Variants in RAPGEF1 observed in about 807,000 individuals in gnomAD.
The protein encoded by RAPGEF1 is CRK SH3-binding GNRP.
A neutral mutation model predicts 143.3 loss-of-function variants in RAPGEF1; 33 were observed. That is an observed-to-expected ratio of 0.23 (90% CI 0.17 to 0.31). RAPGEF1 has a LOEUF of 0.31. Ranked by LOEUF, RAPGEF1 falls within the 10% of genes least tolerant of loss-of-function variation. The pLI is 1.00. For missense variants in RAPGEF1, 1,199 were observed against 1,645.4 expected (o/e 0.73, Z 4.69); for synonymous variants, 629 against 676.5 (o/e 0.93, Z 1.09).
chr9:131,665,676 C>T (rs911977249), intron 1 of RAPGEF1, among the ~76,000 whole-genome samples: 6 of 152,068 alleles, frequency 3.9e-5, no homozygotes, highest in African/African-American at 1.4e-4. Context: ...TGAGAGTAAG[C>T]CCTCCATGGT....
rs1239649837 is a variant in RAPGEF1 at position 131,603,966 on chromosome 9, G to A, written c.2407C>T (p.Arg803Ter). The change falls in exon 14 of 27, where the codon CGA becomes TGA. Residue 803 changes from arginine to a stop codon, truncating the protein, a stop_gained. Coordinates refer to ENST00000683357, the MANE Select transcript of RAPGEF1 (RefSeq NM_001377935.1). LOFTEE classifies it high-confidence loss of function. ...GQSSEELAPS[R>*]GEPPAGKDGH... ...GGCCGCCCGAGGTTACTTACTCCTC[G>A]AGAGGGAGCCAGCTCCTCGCTGCTC... is the stretch of plus-strand genomic sequence containing the variant. 3.0e-6 allele frequency: 4 copies of A among 1,324,486 alleles called. No individual in the cohort carries two copies. The highest frequency in any genetic ancestry group is 1.2e-5 in the South Asian group (1 of 82,904). 82.0% of individuals were successfully genotyped at this position (1,324,486 alleles called of 1,614,324 possible).
At chr9:131,676,907 A>T (rs775761088) in intron 1 of RAPGEF1, among the ~76,000 whole-genome samples, 1 of 152,020 alleles carries the variant, frequency 6.6e-6, no homozygotes, top group South Asian at 2.1e-4. Flanking sequence ...GGCCCATGCC[A>T]CACCTACAGA....
At chr9:131,615,599 T>C (rs555050740) in intron 12 of RAPGEF1, among the ~76,000 whole-genome samples, 4 of 152,336 alleles carry the variant, frequency 2.6e-5, no homozygotes, top group Non-Finnish European at 4.4e-5. Context: ...TGGCTTTTCC[T>C]GGAGTGGAGG....
chr9:131,640,497 A>G (rs2062689533), intron 4 of RAPGEF1, among the ~76,000 whole-genome samples: 1 of 152,378 alleles, frequency 6.6e-6, no homozygotes, highest in East Asian at 1.9e-4. Flanking sequence ...GGGCTAAGAC[A>G]TAAGAAAGGA....
At chr9:131,611,577 G>A (rs1365530786) in intron 12 of RAPGEF1, among the ~76,000 whole-genome samples, 1 of 152,214 alleles carries the variant, frequency 6.6e-6, no homozygotes, top group African/African-American at 2.4e-5. Flanking sequence ...TTCACTAAGT[G>A]TTGATCTGAA....
intron 12 of RAPGEF1, among the ~76,000 whole-genome samples, chr9:131,614,245 C>G (rs887552043): frequency 2.0e-5 from 3 of 152,210 alleles, no homozygotes; most frequent in Non-Finnish European, 4.4e-5. Context: ...TGATCTAGCT[C>G]TGACCAGGAC....
At chr9:131,596,011 C>T (rs1029837947) in intron 17 of RAPGEF1, among the ~76,000 whole-genome samples, 6 of 152,236 alleles carry the variant, frequency 3.9e-5, no homozygotes, top group African/African-American at 1.2e-4. Context: ...TCACTCAAGG[C>T]GCTGTCTGTG....
intron 1 of RAPGEF1, 113 bp from the exon 2 acceptor site, chr9:131,651,062 G>C (rs1172581334): frequency 7.6e-7 from 1 of 1,321,494 alleles, no homozygotes; most frequent in Non-Finnish European, 1.0e-6. Flanking sequence ...CTTGGCTGTT[G>C]AGAGTTTCAA....
chr9:131,597,388 G>T, intron 16 of RAPGEF1, among the ~76,000 whole-genome samples: 1 of 152,196 alleles, frequency 6.6e-6, no homozygotes, highest in Non-Finnish European at 1.5e-5. Flanking sequence ...GCCTGTGTGT[G>T]ACAGCCCAAG....
At chr9:131,588,344 A>G (rs1206758736) in intron 20 of RAPGEF1, among the ~76,000 whole-genome samples, 1 of 152,206 alleles carries the variant, frequency 6.6e-6, no homozygotes, top group Admixed American at 6.5e-5. Flanking sequence ...GCTGGAGCCC[A>G]CTTCCAGGTG....
rs1467395214 is a variant in RAPGEF1 at position 131,667,416 on chromosome 9, T to C, written c.62-16467A>G. Among the ~76,000 whole-genome samples, 1 of 152,190 alleles carries C rather than the reference T, an allele frequency of 6.6e-6. No homozygotes were observed. Among genetic ancestry groups the C allele is most frequent in the Non-Finnish European group, 1.5e-5 (1 of 68,028 alleles). Reference sequence around the variant, plus strand: ...ATGGAGCCCTCCCACACCCTCTTCCTACACGGAGGTACTGCCCATTTCCTC... The same window carrying C: ...ATGGAGCCCTCCCACACCCTCTTCCCACACGGAGGTACTGCCCATTTCCTC... On this transcript the variant is annotated intron_variant, in intron 1 of 26. Transcript: ENST00000683357. This position sits in a 1 kb window ranked among gnomAD's most constrained non-coding sequence, Gnocchi z 4.6.
intron 3 of RAPGEF1, 49 bp from the exon 4 acceptor site, chr9:131,643,466 C>T: frequency 6.6e-7 from 1 of 1,514,882 alleles, no homozygotes. Flanking sequence ...TTAAAGGGAG[C>T]TATTTTGAAA....
intron 5 of RAPGEF1, among the ~76,000 whole-genome samples, chr9:131,634,754 AGAAG>A (rs1965896940): frequency 6.6e-6 from 1 of 150,652 alleles, no homozygotes; most frequent in Admixed American, 6.6e-5. Context: ...ATGATCACAG[AGAAG>A]GAAGGGCTTA....
At chr9:131,647,937 C>T (rs2133388887) in intron 3 of RAPGEF1, among the ~76,000 whole-genome samples, 1 of 151,870 alleles carries the variant, frequency 6.6e-6, no homozygotes, top group Admixed American at 6.6e-5. Flanking sequence ...CCCCTACCCA[C>T]TAGAAGCCAA....
intron 18 of RAPGEF1, among the ~76,000 whole-genome samples, chr9:131,591,414 T>C (rs1000525445): frequency 6.6e-6 from 1 of 152,190 alleles, no homozygotes; most frequent in African/African-American, 2.4e-5. Flanking sequence ...GCTACCCTCC[T>C]AGAGCAGCAG....
chr9:131,624,763 C>T (rs556185107), intron 10 of RAPGEF1, among the ~76,000 whole-genome samples: 10 of 152,354 alleles, frequency 6.6e-5, no homozygotes, highest in South Asian at 4.1e-4. Flanking sequence ...CACCCCTCTG[C>T]GGGAGCCCTG....
chr9:131,718,429 G>C (rs1217480827), intron 1 of RAPGEF1, among the ~76,000 whole-genome samples: 1 of 152,208 alleles, frequency 6.6e-6, no homozygotes, highest in African/African-American at 2.4e-5. Flanking sequence ...AGAATGAATG[G>C]CTGTGAGTTG....
intron 1 of RAPGEF1, among the ~76,000 whole-genome samples, chr9:131,730,716 A>AAAG (rs1211980638): frequency 2.5e-5 from 3 of 121,824 alleles, no homozygotes; most frequent in East Asian, 2.4e-4. Flanking sequence ...AAAAAAAAAA[A>AAAG]AAGAAGAAGA....
rs911552282 is a variant in RAPGEF1 at position 131,588,900 on chromosome 9, C to T, written c.2954G>A (p.Arg985His). 3.7e-6 allele frequency: 6 copies of T among 1,613,782 alleles called. No individual in the cohort carries two copies. In the African/African-American group the frequency reaches 4.0e-5, roughly 11 times the overall value. Reference sequence around the variant, plus strand: ...GTCCAGGATGTTCTTCCGGAGCACACGGGCCAGGCTCAGCTCCCCATTGCA... The same window carrying T: ...GTCCAGGATGTTCTTCCGGAGCACATGGGCCAGGCTCAGCTCCCCATTGCA... Reference protein sequence around the residue: ...LVCNGELSLARVLRKNILDKV... With the variant: ...LVCNGELSLAHVLRKNILDKV... Residue 985 changes from arginine to histidine, a missense_variant, in exon 20 of 27, where the codon CGT (arginine) becomes CAT (histidine). Arg to His is a conservative substitution (Grantham distance 29, BLOSUM62 0). This residue lies in a region of RAPGEF1 where 209 missense variants were observed against 403.0 expected (regional missense o/e 0.52). Transcript: ENST00000683357.
Sources: gnomAD v4.1 joint callset for allele counts (sites outside exome capture counted in the v4.1 genomes callset) on GRCh38, gnomAD v4.1.1 for gene constraint, gnomAD v4.1.1 regional missense constraint, Gnocchi (gnomAD v3.1) non-coding constraint, MANE v1.5 for transcripts, NCBI Gene and HGNC (gene_info 2026-07-23, HGNC 2026-07-21) for gene names.